DNM1L: variants seen among roughly 807,000 people sequenced by gnomAD.
DNM1L encodes the protein dynamin 1L, also known as dynamin-1-like protein.
In DNM1L, 33 loss-of-function variants were observed where a neutral mutation model predicts 92.8. The ratio of observed to expected loss-of-function variants is 0.36; its 90% CI spans 0.27 to 0.48. DNM1L has a LOEUF of 0.48. Among genes scored for constraint, DNM1L ranks in the 20% least tolerant of loss-of-function variants. The pLI is 0.99. For synonymous variants in DNM1L, 284 were observed against 305.0 expected (o/e 0.93, Z 0.72); for missense variants, 485 against 888.8 (o/e 0.55, Z 5.78).
At chr12:32,740,633 T>A (rs768067070) in intron 18 of DNM1L, 115 bp downstream of exon 18, 93 of 952,724 alleles carry the variant, frequency 9.8e-5, no homozygotes, top group Non-Finnish European at 9.6e-5. Flanking sequence ...AATCATCAAG[T>A]GGATTTTCTG....
In DNM1L at chr12:32,687,152, C is replaced by CT. The variant is rs553352275; in HGVS notation, c.102+7696dup. On this transcript the variant is annotated intron_variant, in intron 1 of 19. Transcript: ENST00000549701. Reference sequence around the variant, plus strand: ...TTACTTTTGGTTAAGGCTAATTTATCTTTTTTTTTCCTTTTATTGCTTTAT... The same window carrying CT: ...TTACTTTTGGTTAAGGCTAATTTATCTTTTTTTTTTCCTTTTATTGCTTTAT... 4.1e-3 allele frequency among the ~76,000 whole-genome samples: 601 copies of CT among 148,178 alleles called. 3 individuals carry two copies. The highest frequency in any genetic ancestry group is 6.0e-3 in the Non-Finnish European group (402 of 66,866).
chr12:32,689,743 A>T (rs1952162764), intron 1 of DNM1L, among the ~76,000 whole-genome samples: 1 of 152,238 alleles, frequency 6.6e-6, no homozygotes, highest in South Asian at 2.1e-4. Flanking sequence ...TTAATGTGGT[A>T]TGAATGAACA....
chr12:32,741,827 T>C (rs1166337479), intron 18 of DNM1L, among the ~76,000 whole-genome samples: 1 of 152,224 alleles, frequency 6.6e-6, no homozygotes, highest in Non-Finnish European at 1.5e-5. Context: ...CCATATAGCT[T>C]AGGCGTGTCA....
At chr12:32,703,922 G>A (rs1952814663) in intron 2 of DNM1L, among the ~76,000 whole-genome samples, 1 of 152,126 alleles carries the variant, frequency 6.6e-6, no homozygotes, top group African/African-American at 2.4e-5. Flanking sequence ...GGTCATCTCA[G>A]CTTGCCCCCT....
chr12:32,700,341 A>C (rs1427605559), intron 1 of DNM1L, among the ~76,000 whole-genome samples: 2 of 152,154 alleles, frequency 1.3e-5, no homozygotes, highest in Non-Finnish European at 2.9e-5. Flanking sequence ...GCTGGTCTCG[A>C]ACTCCTGACC....
intron 6 of DNM1L, among the ~76,000 whole-genome samples, chr12:32,714,825 T>TA (rs71068333): frequency 0.13 from 18,576 of 142,118 alleles, 1,296 homozygotes; most frequent in Middle Eastern, 0.22. Flanking sequence ...CCATCTCTAT[T>TA]AAAAAAAAAA....
chr12:32,694,709 A>G (rs1411994893), intron 1 of DNM1L, among the ~76,000 whole-genome samples: 1 of 152,204 alleles, frequency 6.6e-6, no homozygotes, highest in Non-Finnish European at 1.5e-5. Flanking sequence ...AATGTGTACA[A>G]GAAAATTAGT....
At chr12:32,738,571 A>G (rs1955068010) in intron 16 of DNM1L, among the ~76,000 whole-genome samples, 1 of 152,194 alleles carries the variant, frequency 6.6e-6, no homozygotes, top group Admixed American at 6.5e-5. Flanking sequence ...GATTTCAGAG[A>G]TGGAATTGTA....
At chr12:32,727,096 C>A in intron 9 of DNM1L, 1 of 726,076 alleles carries the variant, frequency 1.4e-6, no homozygotes, top group East Asian at 2.6e-5. Flanking sequence ...TCGTTTTTCT[C>A]ATCTTCAGTC....
intron 9 of DNM1L, chr12:32,726,312 G>A: frequency 3.9e-6 from 5 of 1,273,066 alleles, no homozygotes; most frequent in Non-Finnish European, 5.7e-6. Flanking sequence ...AAAACATAAG[G>A]CAGTAAGTAA....
At chr12:32,703,226 C>T (rs571244517) in intron 2 of DNM1L, among the ~76,000 whole-genome samples, 11 of 152,074 alleles carry the variant, frequency 7.2e-5, no homozygotes, top group African/African-American at 2.6e-4. Context: ...TTTGGTATCT[C>T]TTTGTTTTTA....
intron 2 of DNM1L, 45 bp from the exon 3 acceptor site, chr12:32,707,322 A>G: frequency 1.3e-6 from 2 of 1,486,366 alleles, no homozygotes; most frequent in Non-Finnish European, 1.9e-6. Context: ...AAAGATAAAA[A>G]GTAGTTTCCA....
intron 9 of DNM1L, chr12:32,728,058 T>A (rs1954272123): frequency 6.6e-6 from 1 of 152,350 alleles, no homozygotes; most frequent in Non-Finnish European, 1.5e-5. Flanking sequence ...TCACAGGAAG[T>A]TGCAGGGTGA....
intron 9 of DNM1L, 196 bp downstream of exon 9, chr12:32,722,829 A>AT (rs1953868571): frequency 3.3e-6 from 1 of 304,200 alleles, no homozygotes; most frequent in South Asian, 1.2e-4. Context: ...GCAAAGTAAA[A>AT]TTGTCACATA....
intron 1 of DNM1L, among the ~76,000 whole-genome samples, chr12:32,686,464 T>TCACGAAAGAAAA (rs753465380): frequency 2.0e-3 from 309 of 152,302 alleles, no homozygotes; most frequent in Non-Finnish European, 3.0e-3. Flanking sequence ...GAGCTGTCAC[T>TCACGAAAGAAAA]CCCTCTTCTT....
chr12:32,742,180 C>T (rs1463619599), intron 18 of DNM1L, among the ~76,000 whole-genome samples: 1 of 152,114 alleles, frequency 6.6e-6, no homozygotes, highest in Non-Finnish European at 1.5e-5. Context: ...TCTTGGCTCA[C>T]TGCAATCTCC....
intron 1 of DNM1L, among the ~76,000 whole-genome samples, chr12:32,682,075 A>T (rs1951827186): frequency 1.3e-5 from 2 of 151,956 alleles, no homozygotes; most frequent in Admixed American, 1.3e-4. Flanking sequence ...TTCAGTTTCT[A>T]TCTTGTTGAA....
At chr12:32,705,628 T>C (rs1441791646) in intron 2 of DNM1L, 7 of 467,292 alleles carry the variant, frequency 1.5e-5, no homozygotes, top group South Asian at 4.6e-5. Flanking sequence ...ATTCTAGTTG[T>C]ATTTTGCACT....
intron 6 of DNM1L, among the ~76,000 whole-genome samples, chr12:32,717,368 A>G (rs1252705238): frequency 1.3e-5 from 1 of 74,208 alleles, no homozygotes; most frequent in Admixed American, 2.1e-4. Context: ...TATATATAAT[A>G]TATATACTAT....
Sources: gnomAD v4.1 joint callset for allele counts (sites outside exome capture counted in the v4.1 genomes callset) on GRCh38, gnomAD v4.1.1 for gene constraint, MANE v1.5 for transcripts, NCBI Gene and HGNC (gene_info 2026-07-23, HGNC 2026-07-21) for gene names.